The following IDO1 variants were observed in gnomAD, a reference collection of about 807,000 sequenced individuals.
The protein encoded by IDO1 is indolamine 2,3 dioxygenase.
Under a neutral mutation model 38.8 loss-of-function variants are expected in IDO1, and 35 were observed. The ratio of observed to expected loss-of-function variants is 0.90; its 90% CI spans 0.69 to 1.20. The LOEUF is 1.20. IDO1 is among the 50% of genes most tolerant of loss of function. The pLI is 0.00. For missense variants in IDO1, 509 were observed against 485.1 expected (o/e 1.05, Z -0.46); for synonymous variants, 171 against 170.0 (o/e 1.01, Z -0.05).
chr8:39,918,738 CTCCA>C, intron 3 of IDO1, 73 bp from the exon 4 acceptor site: 1 of 680,174 alleles, frequency 1.5e-6, no homozygotes, highest in East Asian at 3.1e-5. Flanking sequence ...AGGAGCAAGA[CTCCA>C]TCTCAAAAAA....
chr8:39,916,647 C>T (rs899365216), intron 1 of IDO1, among the ~76,000 whole-genome samples: 1 of 152,178 alleles, frequency 6.6e-6, no homozygotes, highest in African/African-American at 2.4e-5. Context: ...AATCTATCTG[C>T]TTCTTAGTCC....
At chr8:39,924,487 C>T (rs1202323801) in intron 7 of IDO1, among the ~76,000 whole-genome samples, 5 of 151,708 alleles carry the variant, frequency 3.3e-5, no homozygotes, top group South Asian at 2.1e-4. Context: ...TTACTTGTTA[C>T]GTCAGTAAGC....
At position 39,923,467 on chromosome 8, in the gene IDO1, A is replaced by G; in HGVS notation, c.538-2A>G. On this transcript the variant is annotated splice_acceptor_variant, in intron 6 of 9. Transcript: ENST00000518237. LOFTEE classifies it high-confidence loss of function. ...TGTTTGTGTTTTGTTTGTTTGTTTT[A>G]GGTAATTCCTACTGTATTCAAGGCA... The G allele has an allele frequency of 6.9e-7, 1 of 1,457,568 alleles. No homozygotes were observed. Among genetic ancestry groups the G allele is most frequent in the Non-Finnish European group, 9.6e-7 (1 of 1,038,810 alleles). 90.3% of individuals were successfully genotyped at this position (1,457,568 alleles called of 1,614,324 possible). A position where few individuals can be genotyped will look rare whatever the true frequency, so the allele number is the denominator to read the frequency against.
intron 7 of IDO1, among the ~76,000 whole-genome samples, chr8:39,924,253 G>T (rs1178464973): frequency 6.6e-6 from 1 of 152,078 alleles, no homozygotes; most frequent in African/African-American, 2.4e-5. Flanking sequence ...GTAGTTTCCA[G>T]CTACTTGGGA....
chr8:39,919,124 AG>A, intron 4 of IDO1, 191 bp downstream of exon 4: 1 of 726,232 alleles, frequency 1.4e-6, no homozygotes, highest in Admixed American at 1.7e-5. Context: ...CATATGTGAC[AG>A]GTGTATAGTT....
rs375361503 is a variant in IDO1 at position 39,927,790 on chromosome 8, G to A, written c.857-40G>A. 3.2e-5 allele frequency: 42 copies of A among 1,324,542 alleles called. No individual in the cohort carries two copies. The African/African-American group carries it at 5.6e-4, about 18-fold the overall frequency. The allele number at this position is 1,324,542 out of a possible 1,614,324, so 82.0% of individuals were successfully genotyped here. A position where few individuals can be genotyped will look rare whatever the true frequency, so the allele number is the denominator to read the frequency against. ...GCCTTTCTCTCCTGGATTGGGGAAT[G>A]CTGTGACCTCCGTATTTCCTCTTTC... is the stretch of plus-strand genomic sequence containing the variant. On this transcript the variant is annotated intron_variant, in intron 9 of 9. Transcript: ENST00000518237.
rs60757217 is a variant in IDO1 at position 39,923,928 on chromosome 8, GA to G, written c.655+354del. Reference sequence around the variant, plus strand: ...ACATGGGAGGGTGGTTTTAAGTCCCGAAAAAAAAAAAATAGCTTCTGCTTGA... The same window carrying G: ...ACATGGGAGGGTGGTTTTAAGTCCCGAAAAAAAAAAATAGCTTCTGCTTGA... On this transcript the variant is annotated intron_variant, in intron 7 of 9. Coordinates refer to ENST00000518237, the MANE Select transcript of IDO1 (RefSeq NM_002164.6). 489 of 140,538 alleles carry G rather than the reference GA, an allele frequency of 3.5e-3. 2 individuals are homozygous for G. The highest frequency in any genetic ancestry group is 7.3e-3 in the Middle Eastern group (2 of 274). 8.7% of individuals were successfully genotyped at this position (140,538 alleles called of 1,614,324 possible).
Position 39,928,011 on chromosome 8 carries a change from T to G in IDO1, c.1038T>G (p.His346Gln). The G allele has an allele frequency of 1.9e-6, 3 of 1,606,816 alleles. No homozygotes were observed. The highest frequency in any genetic ancestry group is 2.5e-6 in the Non-Finnish European group (3 of 1,176,552). ...VKALVSLRSYHLQIVTKYILI... is the reference protein window; with the variant it reads ...VKALVSLRSYQLQIVTKYILI... ...CTCTGGTCTCCCTGAGGAGCTACCA[T>G]CTGCAAATCGTGACTAAGTACATCC... The change falls in exon 10 of 10, where the codon CAT (histidine) becomes CAG (glutamine). Residue 346 changes from histidine (H) to glutamine (Q), a missense_variant. By Grantham distance (24) the His-to-Gln change is conservative (BLOSUM62 0). Coordinates refer to ENST00000518237, the MANE Select transcript of IDO1 (RefSeq NM_002164.6).
At chr8:39,924,437 G>C (rs756223886) in intron 7 of IDO1, among the ~76,000 whole-genome samples, 2 of 150,418 alleles carry the variant, frequency 1.3e-5, no homozygotes, top group Non-Finnish European at 3.0e-5. Flanking sequence ...GTTTTGATTT[G>C]TTTTTTTTTG....
intron 4 of IDO1, among the ~76,000 whole-genome samples, chr8:39,919,437 T>G (rs1242547554): frequency 6.6e-6 from 1 of 152,130 alleles, no homozygotes; most frequent in Non-Finnish European, 1.5e-5. Context: ...TAGCAGCCAA[T>G]TGTGGTTAAG....
rs192993006 is a variant in IDO1 at position 39,926,291 on chromosome 8, A to G, written c.856+920A>G. Among the ~76,000 whole-genome samples the G allele has an allele frequency of 1.7e-3, 254 of 152,360 alleles. 1 individual carries two copies. The highest frequency in any genetic ancestry group is 5.6e-3 in the African/African-American group (233 of 41,582). On this transcript the variant is annotated intron_variant, in intron 9 of 9. Coordinates refer to ENST00000518237, the MANE Select transcript of IDO1 (RefSeq NM_002164.6). ...TCTTGAAATCTGAACATGTCTATAA[A>G]GACTGGTTGACTCCGGTGAAGCCAA...
chr8:39,920,336 G>C (rs1257795205), intron 5 of IDO1, among the ~76,000 whole-genome samples: 2 of 152,132 alleles, frequency 1.3e-5, no homozygotes, highest in Non-Finnish European at 2.9e-5. Context: ...ATATATACAA[G>C]AATACTACTC....
intron 9 of IDO1, among the ~76,000 whole-genome samples, chr8:39,926,430 C>G (rs1392058531): frequency 6.6e-6 from 1 of 152,152 alleles, no homozygotes; most frequent in African/African-American, 2.4e-5. Context: ...AGTCTGGGCC[C>G]TGCTCTTGTT....
rs761470075 is a variant in IDO1 at position 39,928,146 on chromosome 8, A to G, written c.1173A>G (p.Val391=). The change falls in exon 10 of 10, where the codon GTA becomes GTG. Residue 391 remains valine (V), a synonymous_variant. Transcript: ENST00000518237. The part of the protein sequence containing the change: ...GTDLMNFLKT[V]RSTTEKSLLK... ...ATTTAATGAATTTCCTGAAGACTGT[A>G]AGAAGTACAACTGAGAAATCCCTTT... The G allele has an allele frequency of 3.7e-6, 6 of 1,612,914 alleles. No individual in the cohort carries two copies.
intron 9 of IDO1, among the ~76,000 whole-genome samples, chr8:39,927,222 C>T (rs1231928568): frequency 6.6e-6 from 1 of 152,160 alleles, no homozygotes; most frequent in Non-Finnish European, 1.5e-5. Context: ...ATATATGCCC[C>T]TTGTCTATAC....
intron 5 of IDO1, among the ~76,000 whole-genome samples, 182 bp from the exon 6 acceptor site, chr8:39,922,370 G>C (rs1026880878): frequency 6.6e-6 from 1 of 152,080 alleles, no homozygotes. Context: ...TTAATTATAT[G>C]ATCTTGGACA....
rs774225205 is a variant in IDO1 at position 39,924,756 on chromosome 8, C to T, written c.691C>T (p.Arg231Cys). ...VNPKAFFSVL[R>C]IYLSGWKGNP... ...CCCAAAAGCATTTTTCAGTGTTCTT[C>T]GCATATATTTGTCTGGGTATGTAGT... is the stretch of plus-strand genomic sequence containing the variant. The change falls in exon 8 of 10, where the codon CGC becomes TGC. Residue 231 changes from arginine (R) to cysteine (C), a missense_variant. By Grantham distance (180) the Arg-to-Cys change is radical. Coordinates refer to ENST00000518237, the MANE Select transcript of IDO1 (RefSeq NM_002164.6). The T allele has an allele frequency of 1.2e-5, 19 of 1,609,522 alleles. No homozygotes were observed. Among genetic ancestry groups the T allele is most frequent in the Admixed American group, 3.3e-5 (2 of 59,848 alleles).
intron 9 of IDO1, among the ~76,000 whole-genome samples, chr8:39,926,119 G>A (rs1047697119): frequency 6.6e-6 from 1 of 151,950 alleles, no homozygotes; most frequent in Non-Finnish European, 1.5e-5. Context: ...CCCAGGAGGC[G>A]GAGCTTGCAG....
Position 39,925,215 on chromosome 8 carries a change from T to A in IDO1, c.708-8T>A. On this transcript the variant is annotated splice_polypyrimidine_tract_variant and splice_region_variant and intron_variant, in intron 8 of 9. Coordinates refer to ENST00000518237, the MANE Select transcript of IDO1 (RefSeq NM_002164.6). ...GATTTTTCTTTTTTTCTTTCTTTCC[T>A]CTGATAGCTGGAAAGGCAACCCCCA... 2.5e-6 allele frequency: 4 copies of A among 1,572,126 alleles called. No individual in the cohort carries two copies. Among genetic ancestry groups the A allele is most frequent in the Non-Finnish European group, 2.6e-6 (3 of 1,164,330 alleles).
Sources: allele counts gnomAD v4.1 joint callset (sites outside exome capture counted in the v4.1 genomes callset), GRCh38; gene constraint gnomAD v4.1.1; transcripts MANE v1.5; gene names NCBI Gene and HGNC (gene_info 2026-07-23, HGNC 2026-07-21).